CNBD2: variants seen among roughly 807,000 people sequenced by gnomAD.
CNBD2 encodes the protein cyclic nucleotide binding domain containing 2, also known as cyclic nucleotide-binding domain-containing protein 2.
Under a neutral mutation model 63.7 loss-of-function variants are expected in CNBD2, and 64 were observed. The observed-to-expected ratio is 1.00, with a 90% confidence interval of 0.82 to 1.24. The LOEUF (loss-of-function observed/expected upper bound fraction) is 1.24, where lower values mean the gene tolerates loss of function less well. Among genes scored for constraint, CNBD2 ranks in the 50% most tolerant of loss-of-function variants. The probability of loss-of-function intolerance (pLI) is 0.00; values close to 1 mark genes in which losing one functional copy is unlikely to be tolerated. For synonymous variants in CNBD2, 229 were observed against 255.4 expected, an observed-to-expected ratio of 0.90 and a Z score of 0.99; for missense variants, 691 against 713.5, an observed-to-expected ratio of 0.97 and a Z score of 0.36.
intron 1 of CNBD2, among the ~76,000 whole-genome samples, chr20:35,971,146 A>G (rs1264756950): frequency 2.0e-5 from 3 of 150,724 alleles, no homozygotes; most frequent in African/African-American, 7.3e-5. Context: ...ACGGGGTTTC[A>G]CCGTGTTAGC....
intron 2 of CNBD2, among the ~76,000 whole-genome samples, chr20:35,961,371 C>T (rs929638337): frequency 6.6e-6 from 1 of 152,130 alleles, no homozygotes; most frequent in African/African-American, 2.4e-5. Context: ...TTTAAAATCC[C>T]TTCTTTCCTG....
At chr20:36,012,822 CAAA>C (rs141479430) in intron 10 of CNBD2, among the ~76,000 whole-genome samples, 7 of 87,200 alleles carry the variant, frequency 8.0e-5, no homozygotes, top group Non-Finnish European at 9.8e-5. Flanking sequence ...AAATCCGTCT[CAAA>C]AAAAAAAAAA....
At chr20:36,025,186 G>A (rs1255610280) in intron 11 of CNBD2, among the ~76,000 whole-genome samples, 2 of 152,120 alleles carry the variant, frequency 1.3e-5, no homozygotes, top group African/African-American at 4.8e-5. Flanking sequence ...CATGTGCTAT[G>A]ACTATGCCTT....
chr20:36,021,369 A>G (rs1453212842), intron 10 of CNBD2, among the ~76,000 whole-genome samples: 1 of 152,212 alleles, frequency 6.6e-6, no homozygotes, highest in Non-Finnish European at 1.5e-5. Flanking sequence ...TCTCATGAAG[A>G]TAGGGAGTAG....
chr20:36,017,429 G>A (rs1363201373), intron 10 of CNBD2, among the ~76,000 whole-genome samples: 1 of 152,162 alleles, frequency 6.6e-6, no homozygotes, highest in East Asian at 1.9e-4. Context: ...ACTCACACCA[G>A]CCTGTATGTC....
chr20:35,989,212 G>T (rs73902952), intron 7 of CNBD2, among the ~76,000 whole-genome samples: 5,417 of 152,302 alleles, frequency 0.036, 336 homozygotes, highest in African/African-American at 0.12. Flanking sequence ...CTCTCTGACT[G>T]CAAAGATATT....
chr20:36,003,172 A>G (rs1240142923), intron 8 of CNBD2, among the ~76,000 whole-genome samples: 1 of 152,170 alleles, frequency 6.6e-6, no homozygotes, highest in Non-Finnish European at 1.5e-5. Context: ...TACTTAATAT[A>G]CACAATATTT....
chr20:35,959,697 A>G (rs1358044988), downstream of CNBD2, among the ~76,000 whole-genome samples: 1 of 152,214 alleles, frequency 6.6e-6, no homozygotes, highest in Non-Finnish European at 1.5e-5. Context: ...AAACCATATC[A>G]TTATTGAACA....
chr20:35,956,176 C>T (rs1396753378), downstream of CNBD2, among the ~76,000 whole-genome samples: 2 of 152,316 alleles, frequency 1.3e-5, no homozygotes, highest in African/African-American at 4.8e-5. Flanking sequence ...GCCATTAGCC[C>T]TGATATAAAA....
chr20:35,969,709 C>A (rs140060649), intron 1 of CNBD2, among the ~76,000 whole-genome samples: 37 of 152,290 alleles, frequency 2.4e-4, no homozygotes, highest in African/African-American at 8.4e-4. Flanking sequence ...TCCCTTCGAT[C>A]CCTACTAATG....
Position 35,995,057 on chromosome 20 carries a change from G to A in CNBD2, c.875G>A (p.Arg292Gln), listed in dbSNP as rs148382292. 6.2e-6 allele frequency: 10 copies of A among 1,613,940 alleles called. No individual in the cohort carries two copies. Among genetic ancestry groups the A allele is most frequent in the African/African-American group, 2.7e-5 (2 of 74,916 alleles). ...GTTCAGGGCAGCTGTGAAGTCCTGC[G>A]GCTGTTGGACCTTGGGGCCTCCCCT... ...FISKGSCEVL[R>Q]LLDLGASPSY... The change falls in exon 8 of 12, where the codon CGG becomes CAG. Residue 292 changes from arginine to glutamine, a missense_variant. Arg to Gln is a conservative substitution (Grantham distance 43). Coordinates refer to ENST00000373973, the MANE Select transcript of CNBD2 (RefSeq NM_001365709.1).
At chr20:36,011,312 A>G in intron 10 of CNBD2, 55 bp downstream of exon 10, 2 of 1,414,466 alleles carry the variant, frequency 1.4e-6, no homozygotes, top group Admixed American at 2.6e-5. Context: ...AATGGGCTGG[A>G]ATGTTAAGTA....
intron 10 of CNBD2, among the ~76,000 whole-genome samples, chr20:36,021,363 A>T (rs184178460): frequency 1.3e-4 from 20 of 152,348 alleles, no homozygotes; most frequent in Admixed American, 9.2e-4. Flanking sequence ...ACTGGATCTC[A>T]TGAAGATAGG....
intron 10 of CNBD2, among the ~76,000 whole-genome samples, chr20:36,019,826 G>A (rs1601100688): frequency 2.0e-5 from 3 of 152,172 alleles, no homozygotes; most frequent in Non-Finnish European, 4.4e-5. Flanking sequence ...ACTGACTCCA[G>A]CTGTGTGCAT....
At chr20:36,002,126 G>A (rs1028469504) in intron 8 of CNBD2, among the ~76,000 whole-genome samples, 6 of 152,336 alleles carry the variant, frequency 3.9e-5, no homozygotes, top group South Asian at 4.1e-4. Context: ...TGAGTGAGCC[G>A]GACTCCGTCT....
intron 10 of CNBD2, among the ~76,000 whole-genome samples, chr20:36,014,215 G>T (rs2057104024): frequency 6.7e-6 from 1 of 150,188 alleles, no homozygotes; most frequent in Non-Finnish European, 1.5e-5. Context: ...TATAGGTATG[G>T]GTGGAAACAT....
Position 36,023,751 on chromosome 20 carries a change from G to A in CNBD2, c.1419G>A (p.Lys473=). ...ACGAGATGATAAAAAAGTTGTTAAA[G>A]CTCAATATTGCATTCCCCAGGTCAG... ...NDDEMIKKLL[K]LNIAFPSDED... is the part of the protein sequence containing the mutation. Residue 473 remains lysine, a synonymous_variant, in exon 11 of 12, where the codon AAG becomes AAA. Coordinates refer to ENST00000373973, the MANE Select transcript of CNBD2 (RefSeq NM_001365709.1). 10 of 1,612,208 alleles carry A rather than the reference G, an allele frequency of 6.2e-6. No individual in the cohort carries two copies. Among genetic ancestry groups the A allele is most frequent in the Non-Finnish European group, 8.5e-6 (10 of 1,179,158 alleles).
At chr20:36,009,218 T>C (rs1203475376) in intron 9 of CNBD2, among the ~76,000 whole-genome samples, 1 of 151,376 alleles carries the variant, frequency 6.6e-6, no homozygotes, top group Non-Finnish European at 1.5e-5. Flanking sequence ...TTTTTTTTTT[T>C]TGAGATGGAG....
At chr20:35,960,829 T>C (rs1453105551) in intron 2 of CNBD2, among the ~76,000 whole-genome samples, 1 of 143,186 alleles carries the variant, frequency 7.0e-6, no homozygotes, top group Non-Finnish European at 1.5e-5. Flanking sequence ...TTCCCTTCCC[T>C]TCTCTTCCCT....
Sources: gnomAD v4.1 joint callset for allele counts (sites outside exome capture counted in the v4.1 genomes callset) on GRCh38, gnomAD v4.1.1 for gene constraint, MANE v1.5 for transcripts, NCBI Gene and HGNC (gene_info 2026-07-23, HGNC 2026-07-21) for gene names.